PDE4D: variants seen among roughly 807,000 people sequenced by gnomAD.
PDE4D encodes 3',5'-cyclic-AMP phosphodiesterase 4D.
In PDE4D, 24 loss-of-function variants were observed where a neutral mutation model predicts 87.4. The ratio of observed to expected loss-of-function variants is 0.27; its 90% CI spans 0.20 to 0.39. The LOEUF (loss-of-function observed/expected upper bound fraction) is 0.39, where lower values mean the gene tolerates loss of function less well. PDE4D is among the 10% of genes least tolerant of loss of function. The pLI is 1.00. For missense variants in PDE4D, 714 were observed against 1,041.0 expected, an observed-to-expected ratio of 0.69 and a Z score of 4.32; for synonymous variants, 384 against 383.2, an observed-to-expected ratio of 1.00 and a Z score of -0.02.
chr5:60,372,927 T>G (rs964687563), intron 1 of PDE4D, among the ~76,000 whole-genome samples: 1 of 152,224 alleles, frequency 6.6e-6, no homozygotes, highest in South Asian at 2.1e-4. Flanking sequence ...TCCTTTGCCT[T>G]AGAGGCAGTG....
At chr5:59,045,556 CAAA>C (rs36051277) in intron 5 of PDE4D, among the ~76,000 whole-genome samples, 1,527 of 70,988 alleles carry the variant, frequency 0.022, 29 homozygotes, top group African/African-American at 0.075. Context: ...AACTCTGTCT[CAAA>C]AAAAAAAAAA....
intron 1 of PDE4D, among the ~76,000 whole-genome samples, chr5:60,208,426 G>A (rs910399343): frequency 2.0e-5 from 3 of 152,182 alleles, no homozygotes; most frequent in African/African-American, 2.4e-5. Flanking sequence ...AGATATCACA[G>A]GGTGTATGTA....
intron 1 of PDE4D, among the ~76,000 whole-genome samples, chr5:60,413,416 A>G (rs1169383198): frequency 1.3e-5 from 2 of 152,190 alleles, no homozygotes; most frequent in Non-Finnish European, 2.9e-5. Context: ...CTCACACACA[A>G]TAGACTTCCA....
upstream of PDE4D, among the ~76,000 whole-genome samples, chr5:59,894,412 G>C (rs1751416462): frequency 6.6e-6 from 1 of 152,224 alleles, no homozygotes; most frequent in Non-Finnish European, 1.5e-5. Flanking sequence ...TCTGGGTGAA[G>C]ATCCAATAGT....
intron 1 of PDE4D, among the ~76,000 whole-genome samples, chr5:59,810,815 T>C (rs963165211): frequency 6.6e-6 from 1 of 152,250 alleles, no homozygotes; most frequent in Non-Finnish European, 1.5e-5. Flanking sequence ...AATCAGTGCA[T>C]TTTCATTTGT....
intron 1 of PDE4D, among the ~76,000 whole-genome samples, chr5:59,660,190 A>AAAATAAAT (rs201345419): frequency 4.3e-4 from 66 of 151,734 alleles, no homozygotes; most frequent in African/African-American, 1.5e-3. Context: ...CTCTGTCGCC[A>AAAATAAAT]AAATAAATAA....
At chr5:59,301,396 T>C (rs1770223856) in intron 1 of PDE4D, among the ~76,000 whole-genome samples, 1 of 152,206 alleles carries the variant, frequency 6.6e-6, no homozygotes, top group Admixed American at 6.5e-5. Context: ...TAGTCAACAC[T>C]ATTTAAAAGC....
At chr5:60,024,483 G>T (rs1766413410) in intron 2 of PDE4D, among the ~76,000 whole-genome samples, 2 of 152,174 alleles carry the variant, frequency 1.3e-5, no homozygotes, top group South Asian at 4.1e-4. Flanking sequence ...TACAGAGGTG[G>T]TCACAAGCAG....
chr5:60,226,181 A>G (rs1399455980), intron 1 of PDE4D, among the ~76,000 whole-genome samples: 2 of 152,098 alleles, frequency 1.3e-5, no homozygotes, highest in Non-Finnish European at 2.9e-5. Flanking sequence ...GAAAGTAACA[A>G]CCTGTAAATT....
intron 1 of PDE4D, among the ~76,000 whole-genome samples, chr5:59,740,931 C>T (rs975166412): frequency 6.6e-6 from 1 of 152,174 alleles, no homozygotes; most frequent in Non-Finnish European, 1.5e-5. Flanking sequence ...GCATTCAATG[C>T]ACCTAGTGTA....
At chr5:59,320,798 C>G (rs1224009107) in intron 1 of PDE4D, among the ~76,000 whole-genome samples, 1 of 151,916 alleles carries the variant, frequency 6.6e-6, no homozygotes, top group East Asian at 1.9e-4. Flanking sequence ...ACCTCCTTTC[C>G]TCCTCTACTC....
intron 1 of PDE4D, among the ~76,000 whole-genome samples, chr5:59,609,416 A>G (rs1828688382): frequency 6.6e-6 from 1 of 152,002 alleles, no homozygotes. Context: ...ATATGTAGTT[A>G]ATCTGAATAT....
intron 1 of PDE4D, among the ~76,000 whole-genome samples, chr5:59,390,039 T>A (rs534981707): frequency 6.6e-6 from 1 of 152,098 alleles, no homozygotes; most frequent in South Asian, 2.1e-4. Flanking sequence ...GAGGTGATGG[T>A]TATCTTAAAT....
chr5:59,564,626 C>A (rs1005397404), intron 1 of PDE4D, among the ~76,000 whole-genome samples: 4 of 152,048 alleles, frequency 2.6e-5, no homozygotes, highest in Non-Finnish European at 5.9e-5. Flanking sequence ...GAAGAACTGA[C>A]CAGAAGAGGA....
intron 1 of PDE4D, among the ~76,000 whole-genome samples, chr5:59,480,225 A>G (rs181304679): frequency 6.6e-6 from 1 of 151,988 alleles, no homozygotes; most frequent in Non-Finnish European, 1.5e-5. Context: ...CTGTTCAGTA[A>G]TAGTTTTCAG....
chr5:60,135,028 C>T (rs577763633), intron 2 of PDE4D, among the ~76,000 whole-genome samples: 185 of 152,308 alleles, frequency 1.2e-3, no homozygotes, highest in Non-Finnish European at 2.2e-3. Flanking sequence ...CACTGAAAAA[C>T]AAATAAGACC....
In PDE4D at chr5:59,416,419, G is replaced by A. The variant is rs555662945; in HGVS notation, c.456-200451C>T. 8.5e-5 allele frequency among the ~76,000 whole-genome samples: 13 copies of A among 152,198 alleles called. No individual in the cohort carries two copies. In the South Asian group the frequency reaches 2.1e-3, roughly 24 times the overall value. The stretch of plus-strand genomic sequence containing the variant: ...AATTTTTTTCCATGGGGGTTCGTTC[G>A]TAGTCTGATAGTGAAATCCAAATGG... On this transcript the variant is annotated intron_variant, in intron 1 of 14. Transcript: ENST00000340635.
chr5:59,171,162 G>A (rs1561619513), intron 5 of PDE4D, among the ~76,000 whole-genome samples: 1 of 152,194 alleles, frequency 6.6e-6, no homozygotes, highest in Non-Finnish European at 1.5e-5. Flanking sequence ...GATTACAGGC[G>A]TGAGCCACCA....
intron 1 of PDE4D, among the ~76,000 whole-genome samples, chr5:59,321,825 C>T (rs1232192718): frequency 6.6e-6 from 1 of 152,044 alleles, no homozygotes; most frequent in Admixed American, 6.6e-5. Context: ...GTCACCGGTC[C>T]CTCTTAAAAG....
Sources: allele counts gnomAD v4.1 joint callset (sites outside exome capture counted in the v4.1 genomes callset), GRCh38; gene constraint gnomAD v4.1.1; transcripts MANE v1.5; gene names NCBI Gene and HGNC (gene_info 2026-07-23, HGNC 2026-07-21).